Variants in PLEKHA6 observed in about 807,000 individuals in gnomAD.
PLEKHA6 encodes the protein pleckstrin homology domain containing A6, also known as pleckstrin homology domain-containing family A member 6.
A neutral mutation model predicts 116.7 loss-of-function variants in PLEKHA6; 60 were observed. The observed-to-expected ratio is 0.51, with a 90% CI of 0.42 to 0.64. The LOEUF is 0.64. Ranked by LOEUF, PLEKHA6 falls within the 30% of genes least tolerant of loss-of-function variation. The probability of loss-of-function intolerance (pLI) is 0.00; values close to 1 mark genes in which losing one functional copy is unlikely to be tolerated. For missense variants in PLEKHA6, 1,338 were observed against 1,422.7 expected (o/e 0.94, Z 0.96); for synonymous variants, 489 against 556.1 (o/e 0.88, Z 1.70).
At chr1:204,316,386 C>T (rs11583766) in intron 1 of PLEKHA6, among the ~76,000 whole-genome samples, 77,014 of 151,990 alleles carry the variant, frequency 0.51, 20,078 homozygotes, top group Middle Eastern at 0.61. Context: ...AGACAGCTGC[C>T]GGGAAAGACA....
At position 204,277,908 on chromosome 1, in the gene PLEKHA6, T is replaced by C. The variant is rs1456314504; in HGVS notation, c.-94-3099A>G. The C allele has an allele frequency of 6.6e-6, 1 of 152,128 alleles. No individual in the cohort carries two copies. The highest frequency in any genetic ancestry group is 6.5e-5 in the Admixed American group (1 of 15,272). 9.4% of individuals were successfully genotyped at this position (152,128 alleles called of 1,614,324 possible). A position where few individuals can be genotyped will look rare whatever the true frequency, so the allele number is the denominator to read the frequency against. On this transcript the variant is annotated intron_variant, in intron 1 of 22. Coordinates refer to ENST00000272203, the MANE Select transcript of PLEKHA6 (RefSeq NM_014935.5). This position sits in a 1 kb window ranked among gnomAD's most constrained non-coding sequence, Gnocchi z 4.1. ...GTGGAACCAGAGCTGGTGGCTAGGATGGGGCTGCTCAGGCAATATTAAAGG... is the reference window on the plus strand; with the variant it reads ...GTGGAACCAGAGCTGGTGGCTAGGACGGGGCTGCTCAGGCAATATTAAAGG...
intron 12 of PLEKHA6, among the ~76,000 whole-genome samples, chr1:204,248,155 C>CATT (rs1664025072): frequency 1.0e-5 from 1 of 95,242 alleles, no homozygotes. Context: ...GGGCAGCAGC[C>CATT]TTTTTTTTTT....
intron 10 of PLEKHA6, among the ~76,000 whole-genome samples, chr1:204,249,573 A>T (rs545071705): frequency 2.0e-4 from 30 of 152,294 alleles, no homozygotes; most frequent in African/African-American, 7.2e-4. Flanking sequence ...AGGAGATGAT[A>T]TGACCTCACC....
intron 17 of PLEKHA6, 57 bp from the exon 18 acceptor site, chr1:204,230,643 C>A: frequency 7.1e-7 from 1 of 1,414,522 alleles, no homozygotes; most frequent in Non-Finnish European, 9.6e-7. Context: ...CCCAGCTTTT[C>A]CATCCTGAAC....
intron 9 of PLEKHA6, among the ~76,000 whole-genome samples, chr1:204,255,296 C>T (rs1665123045): frequency 6.6e-6 from 1 of 152,120 alleles, no homozygotes; most frequent in Admixed American, 6.5e-5. Flanking sequence ...CTCGACTCTG[C>T]GACTCCCTCC....
At chr1:204,236,705 CTAAT>C (rs1662103130) in intron 17 of PLEKHA6, among the ~76,000 whole-genome samples, 1 of 152,104 alleles carries the variant, frequency 6.6e-6, no homozygotes, top group South Asian at 2.1e-4. Flanking sequence ...CTGTCATTGG[CTAAT>C]TAATCCTGGT....
intron 1 of PLEKHA6, among the ~76,000 whole-genome samples, chr1:204,330,530 G>A (rs1253873916): frequency 6.6e-6 from 1 of 152,196 alleles, no homozygotes; most frequent in African/African-American, 2.4e-5. Context: ...TACAGATTAG[G>A]AGTAACTGTG....
chr1:204,256,711 C>T (rs894171598), intron 9 of PLEKHA6: 11 of 449,316 alleles, frequency 2.4e-5, no homozygotes, highest in African/African-American at 8.1e-5. Flanking sequence ...AGGCACAGAG[C>T]GTCCCTGGAG....
intron 3 of PLEKHA6, among the ~76,000 whole-genome samples, chr1:204,270,847 GCCCTGC>G (rs1667374182): frequency 6.6e-6 from 1 of 152,206 alleles, no homozygotes; most frequent in South Asian, 2.1e-4. Flanking sequence ...CACCAGACAG[GCCCTGC>G]TTCTGGTTCT....
chr1:204,296,532 A>C (rs1467382534), intron 1 of PLEKHA6, among the ~76,000 whole-genome samples: 1 of 152,038 alleles, frequency 6.6e-6, no homozygotes, highest in Non-Finnish European at 1.5e-5. Flanking sequence ...CACCTTCCCC[A>C]AAGGGCATTG....
chr1:204,304,442 G>A (rs1324274236), intron 1 of PLEKHA6, among the ~76,000 whole-genome samples: 3 of 152,142 alleles, frequency 2.0e-5, no homozygotes, highest in African/African-American at 7.2e-5. Flanking sequence ...TCAGAAATCT[G>A]CCCCAAAAGT....
At chr1:204,312,188 C>T (rs990965648) in intron 1 of PLEKHA6, among the ~76,000 whole-genome samples, 7 of 152,200 alleles carry the variant, frequency 4.6e-5, no homozygotes, top group Non-Finnish European at 1.0e-4. Flanking sequence ...CCAGTCTTTT[C>T]CCTACAGTCC....
intron 18 of PLEKHA6, 23 bp downstream of exon 18, chr1:204,230,390 G>A (rs1334649294): frequency 6.5e-7 from 1 of 1,549,986 alleles, no homozygotes; most frequent in Non-Finnish European, 8.7e-7. Context: ...GCTCACGCCT[G>A]TGGGTAGCTG....
rs774498558 is a variant in PLEKHA6, at chr1:204,228,869, G to A, written c.2752-8C>T. On this transcript the variant is annotated splice_region_variant and splice_polypyrimidine_tract_variant and intron_variant, in intron 19 of 22. Coordinates refer to ENST00000272203, the MANE Select transcript of PLEKHA6 (RefSeq NM_014935.5). The surrounding 1 kb of genome is among the most constrained non-coding windows in gnomAD (Gnocchi z 4.0). ...TTTGTCTGGAGTGGAGAGCTATGGA[G>A]GGGCTGGGGTCACCACCTCTGTCCC... 5.0e-6 allele frequency: 8 copies of A among 1,613,978 alleles called. No individual in the cohort carries two copies. Among genetic ancestry groups the A allele is most frequent in the African/African-American group, 2.7e-5 (2 of 74,886 alleles).
In PLEKHA6 at chr1:204,275,781, G is replaced by A. The variant is rs531989328; in HGVS notation, c.-94-972C>T. ...GACTACTTGGCAAGAATGTAGCAGT[G>A]GAGATTCAAGCATTCAGCCAGTGGA... On this transcript the variant is annotated intron_variant, in intron 1 of 22. Transcript: ENST00000272203. 5 of 876,924 alleles carry A rather than the reference G, an allele frequency of 5.7e-6. No individual in the cohort carries two copies. In the Admixed American group the frequency reaches 2.5e-4, roughly 43 times the overall value. The allele number at this position is 876,924 out of a possible 1,614,324, so 54.3% of individuals were successfully genotyped here.
At position 204,261,987 on chromosome 1, in the gene PLEKHA6, C is replaced by CG. The variant is rs1352266281; in HGVS notation, c.382-540dup. On this transcript the variant is annotated intron_variant, in intron 6 of 22. Coordinates refer to ENST00000272203, the MANE Select transcript of PLEKHA6 (RefSeq NM_014935.5). The surrounding 1 kb of genome is among the most constrained non-coding windows in gnomAD (Gnocchi z 4.0). ...AGTTGGTGGCTGCGAGCAGGTACTG[C>CG]GGGCGGGAACCCAGAAGAGAGCTCC... is the stretch of plus-strand genomic sequence containing the variant. 6.3e-6 allele frequency: 1 copy of CG among 158,022 alleles called. No individual in the cohort carries two copies. Among genetic ancestry groups the CG allele is most frequent in the East Asian group, 1.9e-4 (1 of 5,346 alleles). The allele number at this position is 158,022 out of a possible 1,614,324, so 9.8% of individuals were successfully genotyped here. A position where few individuals can be genotyped will look rare whatever the true frequency, so the allele number is the denominator to read the frequency against.
rs1660701040 is a variant in PLEKHA6 at position 204,228,528 on chromosome 1, A to C, written c.2885+200T>G. ...GTTTTGTCTCGATGGTGTGGTGTGC[A>C]CGAGCCTGGCAGGTCTTAGTAGCAC... On this transcript the variant is annotated intron_variant, in intron 20 of 22. Transcript: ENST00000272203. The surrounding 1 kb of genome is among the most constrained non-coding windows in gnomAD (Gnocchi z 4.0). Among the ~76,000 whole-genome samples the C allele has an allele frequency of 6.6e-6, 1 of 152,142 alleles. No individual in the cohort carries two copies. The highest frequency in any genetic ancestry group is 6.5e-5 in the Admixed American group (1 of 15,290).
At chr1:204,249,043 G>A in intron 11 of PLEKHA6, 73 bp from the exon 12 acceptor site, 4 of 1,547,686 alleles carry the variant, frequency 2.6e-6, no homozygotes, top group Non-Finnish European at 2.7e-6. Flanking sequence ...AGAGGCCTGA[G>A]CCCTTAGAGG....
intron 9 of PLEKHA6, among the ~76,000 whole-genome samples, chr1:204,252,237 A>G (rs980588617): frequency 6.6e-5 from 10 of 150,478 alleles, no homozygotes; most frequent in African/African-American, 2.2e-4. Context: ...TTAAAGGGAC[A>G]CCAGGCTTTC....
Sources: gnomAD v4.1 joint callset for allele counts (sites outside exome capture counted in the v4.1 genomes callset) on GRCh38, gnomAD v4.1.1 for gene constraint, Gnocchi (gnomAD v3.1) non-coding constraint, MANE v1.5 for transcripts, NCBI Gene and HGNC (gene_info 2026-07-23, HGNC 2026-07-21) for gene names.